C11orf65: variants seen among roughly 807,000 people sequenced by gnomAD.
C11orf65 encodes protein MFI.
Under a neutral mutation model 35.3 loss-of-function variants are expected in C11orf65, and 38 were observed. The observed-to-expected ratio is 1.08, with a 90% confidence interval of 0.83 to 1.41. C11orf65 has a LOEUF of 1.41. Ranked by LOEUF, C11orf65 falls within the 40% of genes most tolerant of loss-of-function variation. The probability of loss-of-function intolerance (pLI) is 0.00; values close to 1 mark genes in which losing one functional copy is unlikely to be tolerated. For synonymous variants in C11orf65, 105 were observed against 114.4 expected (o/e 0.92, Z 0.53); for missense variants, 370 against 367.1 (o/e 1.01, Z -0.06).
At position 108,321,366 on chromosome 11, in the gene C11orf65, T is replaced by A. The variant is rs1173542225; in HGVS notation, c.641-12295A>T. 2 of 1,614,210 alleles carry A rather than the reference T, an allele frequency of 1.2e-6. No individual in the cohort carries two copies. Among genetic ancestry groups the A allele is most frequent in the South Asian group, 2.2e-5 (2 of 91,082 alleles). On this transcript the variant is annotated intron_variant, in intron 6 of 6. Coordinates refer to the C11orf65 transcript ENST00000525729. ...TCTGTGTATTCGCTCTATCCCACAC[T>A]TAGCAGGTTGCAGGCCATTGGAGAG... is the stretch of plus-strand genomic sequence containing the variant.
At chr11:108,312,512 G>C (rs2136064166) in intron 6 of C11orf65, 2 of 1,498,516 alleles carry the variant, frequency 1.3e-6, no homozygotes, top group Non-Finnish European at 1.9e-6. Context: ...AATATTAGAG[G>C]CTCTATTATT....
At chr11:108,355,293 G>T in intron 2 of C11orf65, 1 of 230,830 alleles carries the variant, frequency 4.3e-6, no homozygotes, top group Non-Finnish European at 8.6e-6. Flanking sequence ...CATTACTAGA[G>T]GAACATGGCT....
intron 3 of C11orf65, among the ~76,000 whole-genome samples, chr11:108,413,569 T>C (rs1295346864): frequency 1.3e-5 from 2 of 152,238 alleles, no homozygotes; most frequent in African/African-American, 4.8e-5. Context: ...GTCCTGAACT[T>C]GAGTGGTAAT....
chr11:108,317,710 G>C (rs2084868475), intron 6 of C11orf65, among the ~76,000 whole-genome samples: 1 of 145,118 alleles, frequency 6.9e-6, no homozygotes, highest in South Asian at 2.2e-4. Context: ...TAGTGTGTAT[G>C]TGTGTATATA....
At chr11:108,443,057 C>T (rs1227270552) in intron 2 of C11orf65, among the ~76,000 whole-genome samples, 1 of 152,120 alleles carries the variant, frequency 6.6e-6, no homozygotes, top group East Asian at 1.9e-4. Flanking sequence ...CATCACTGTG[C>T]TGTATTCAGG....
intron 6 of C11orf65, among the ~76,000 whole-genome samples, chr11:108,321,020 T>G (rs1326903551): frequency 6.6e-6 from 1 of 152,164 alleles, no homozygotes; most frequent in African/African-American, 2.4e-5. Context: ...CTTGCCACCT[T>G]CATGTTGAGT....
intron 3 of C11orf65, among the ~76,000 whole-genome samples, chr11:108,424,464 C>A (rs1475994133): frequency 6.6e-6 from 1 of 151,938 alleles, no homozygotes; most frequent in African/African-American, 2.4e-5. Flanking sequence ...AGAATGGAAC[C>A]AAGTTGGAAA....
intron 6 of C11orf65, among the ~76,000 whole-genome samples, chr11:108,403,750 A>G (rs1040645402): frequency 6.6e-5 from 10 of 152,138 alleles, no homozygotes; most frequent in African/African-American, 2.2e-4. Flanking sequence ...TGAAAAGACT[A>G]TTTTTTCCCA....
At chr11:108,445,056 G>A (rs571455072) in intron 2 of C11orf65, among the ~76,000 whole-genome samples, 2 of 152,334 alleles carry the variant, frequency 1.3e-5, no homozygotes, top group East Asian at 3.9e-4. Flanking sequence ...AAGGCTGGAG[G>A]AGGGGTGCCT....
chr11:108,330,775 A>T (rs2086167138), downstream of C11orf65, among the ~76,000 whole-genome samples: 1 of 152,202 alleles, frequency 6.6e-6, no homozygotes, highest in Non-Finnish European at 1.5e-5. Context: ...GTTAAAGATG[A>T]TGTGATCACA....
At position 108,333,908 on chromosome 11, in the gene C11orf65, C is replaced by T. The variant is rs1060504298; in HGVS notation, c.299+1312G>A. 6.2e-7 allele frequency: 1 copy of T among 1,610,688 alleles called. No individual in the cohort carries two copies. Among genetic ancestry groups the T allele is most frequent in the Non-Finnish European group, 8.5e-7 (1 of 1,176,934 alleles). On this transcript the variant is annotated intron_variant, in intron 3 of 3. Transcript: ENST00000524755. ...CAGAAGGCATAAATATTCCAGCAGA[C>T]CAGCCAATTACTAAACTTAAGAATT...
At chr11:108,445,890 A>G (rs2093247654) in intron 2 of C11orf65, among the ~76,000 whole-genome samples, 1 of 152,168 alleles carries the variant, frequency 6.6e-6, no homozygotes, top group South Asian at 2.1e-4. Context: ...AATTAGACGA[A>G]TGGATAACTA....
chr11:108,320,250 A>T (rs984737314), intron 6 of C11orf65, among the ~76,000 whole-genome samples: 1 of 152,182 alleles, frequency 6.6e-6, no homozygotes, highest in Non-Finnish European at 1.5e-5. Flanking sequence ...TTCCAGGTTC[A>T]TTCTTTACCC....
At chr11:108,330,643 G>T (rs4988121), downstream of C11orf65, among the ~76,000 whole-genome samples, 1,874 of 152,240 alleles carry the variant, frequency 0.012, 47 homozygotes, top group African/African-American at 0.042. Flanking sequence ...TATATAAGCT[G>T]ACAAGCTGTA....
chr11:108,441,731 CA>C (rs2093157857), intron 2 of C11orf65, among the ~76,000 whole-genome samples: 1 of 152,218 alleles, frequency 6.6e-6, no homozygotes, highest in African/African-American at 2.4e-5. Flanking sequence ...GGACTTCCAG[CA>C]AAGTCCAACA....
chr11:108,329,291 G>A (rs1335394917), downstream of C11orf65: 1 of 1,481,990 alleles, frequency 6.7e-7, no homozygotes, highest in African/African-American at 1.4e-5. Flanking sequence ...AACTGAGTGA[G>A]TGTTTTTGCA....
At chr11:108,404,586 CT>C (rs71047693) in intron 6 of C11orf65, among the ~76,000 whole-genome samples, 14,617 of 136,736 alleles carry the variant, frequency 0.11, 860 homozygotes, top group East Asian at 0.21. Flanking sequence ...TTTTTCTTTT[CT>C]TTTTTTTTTT....
At chr11:108,308,768 C>G (rs1245025363) in exon 7 of C11orf65, 2 of 459,518 alleles carry the variant, frequency 4.4e-6, no homozygotes, top group Non-Finnish European at 7.9e-6. Context: ...AAATTAATTC[C>G]TATGTAGTCT....
chr11:108,383,117 C>G lies in C11orf65; in HGVS notation c.846G>C (p.Lys282Asn), dbSNP rs370961041. ...TATCATCTGGTATTCCCATTTGCAT[C>G]TTTGATATGTCTCCTCCATAGTTAT... ...NIYNYGGDIS[K>N]MQMGIPDDTY... Residue 282 changes from lysine (K) to asparagine (N), a missense_variant, in exon 9 of 9, where the codon AAG becomes AAC. By Grantham distance (94) the Lys-to-Asn change is moderately conservative. Transcript: ENST00000393084. The G allele has an allele frequency of 6.2e-7, 1 of 1,612,138 alleles. No individual in the cohort carries two copies. Among genetic ancestry groups the G allele is most frequent in the African/African-American group, 1.3e-5 (1 of 74,838 alleles).
Sources: gnomAD v4.1 joint callset for allele counts (sites outside exome capture counted in the v4.1 genomes callset) on GRCh38, gnomAD v4.1.1 for gene constraint, MANE v1.5 for transcripts, NCBI Gene and HGNC (gene_info 2026-07-23, HGNC 2026-07-21) for gene names.